Variants in SCAF8 observed in about 807,000 individuals in gnomAD.
The protein encoded by SCAF8 is SR-related CTD associated factor 8, also known as SR-related and CTD-associated factor 8.
A neutral mutation model predicts 140.5 loss-of-function variants in SCAF8; 23 were observed. That is an observed-to-expected ratio of 0.16 (90% CI 0.12 to 0.23). The LOEUF (loss-of-function observed/expected upper bound fraction) is 0.23. Among genes scored for constraint, SCAF8 ranks in the 10% least tolerant of loss-of-function variants. SCAF8 has a pLI of 1.00. For synonymous variants in SCAF8, 575 were observed against 528.9 expected (o/e 1.09, Z -1.20); for missense variants, 1,397 against 1,555.7 (o/e 0.90, Z 1.72).
chr6:154,828,007 A>G lies in SCAF8; in HGVS notation c.2140+767A>G, dbSNP rs564037345. 2.1e-4 allele frequency among the ~76,000 whole-genome samples: 32 copies of G among 152,268 alleles called. No homozygotes were observed. The South Asian group carries it at 4.1e-3, about 20-fold the overall frequency. ...TACGTATATTACAATTAGCCAGCCTATATTGACAAATCATTATCACCCAAA... is the reference window on the plus strand; with the variant it reads ...TACGTATATTACAATTAGCCAGCCTGTATTGACAAATCATTATCACCCAAA... On this transcript the variant is annotated intron_variant, in intron 18 of 19. Coordinates refer to ENST00000367178, the MANE Select transcript of SCAF8 (RefSeq NM_014892.5).
chr6:154,825,654 T>TTAAAA lies in SCAF8; in HGVS notation c.2071+1276_2071+1277insTAAAA, dbSNP rs1778544893. Among the ~76,000 whole-genome samples the TTAAAA allele has an allele frequency of 2.1e-4, 6 of 28,482 alleles. No individual in the cohort carries two copies. The African/African-American group carries it at 2.4e-3, about 12-fold the overall frequency. 18.7% of individuals were successfully genotyped at this position (28,482 alleles called of 152,430 possible). A position where few individuals can be genotyped will look rare whatever the true frequency, so the allele number is the denominator to read the frequency against. On this transcript the variant is annotated intron_variant, in intron 17 of 19. Transcript: ENST00000367178. ...ATGGATGACAGAGTGAGACCTTGTC[T>TTAAAA]CAAAAAAAAAAAAAAAAAAAAAGCT...
At chr6:154,801,299 CAGT>C (rs1777765366) in intron 6 of SCAF8, among the ~76,000 whole-genome samples, 2 of 151,420 alleles carry the variant, frequency 1.3e-5, no homozygotes, top group African/African-American at 4.8e-5. Context: ...TCTTGGTTAT[CAGT>C]AGCTTTGCTG....
chr6:154,786,284 C>T (rs140753055), intron 3 of SCAF8, among the ~76,000 whole-genome samples: 5 of 152,098 alleles, frequency 3.3e-5, no homozygotes, highest in East Asian at 3.9e-4. Flanking sequence ...TGGGTGGGAT[C>T]GCAGAACTGG....
intron 13 of SCAF8, 107 bp from the exon 14 acceptor site, chr6:154,818,372 G>T: frequency 2.1e-6 from 1 of 469,938 alleles, no homozygotes; most frequent in Non-Finnish European, 3.7e-6. Flanking sequence ...TAATCTATCA[G>T]AATTGAAGTA....
intron 1 of SCAF8, among the ~76,000 whole-genome samples, chr6:154,740,625 C>T (rs373717465): frequency 5.1e-5 from 7 of 138,524 alleles, no homozygotes; most frequent in South Asian, 2.3e-4. Context: ...TTTTCTTTTT[C>T]TTTTTTTTTT....
intron 1 of SCAF8, among the ~76,000 whole-genome samples, chr6:154,753,659 A>G (rs1301898387): frequency 6.6e-6 from 1 of 152,186 alleles, no homozygotes; most frequent in Non-Finnish European, 1.5e-5. Flanking sequence ...ATACATGTAT[A>G]CAATGTACAT....
At chr6:154,770,999 C>T (rs772961871) in intron 1 of SCAF8, among the ~76,000 whole-genome samples, 10 of 152,148 alleles carry the variant, frequency 6.6e-5, no homozygotes, top group Non-Finnish European at 1.2e-4. Context: ...CCTGCCTTGG[C>T]CTCCCAAAGT....
At chr6:154,804,126 G>A (rs1777846552) in intron 8 of SCAF8, among the ~76,000 whole-genome samples, 1 of 151,868 alleles carries the variant, frequency 6.6e-6, no homozygotes, top group South Asian at 2.1e-4. Flanking sequence ...CCAAGGTTCT[G>A]TGAGGGTATG....
At position 154,784,576 on chromosome 6, in the gene SCAF8, A is replaced by G. The variant is rs1266119789; in HGVS notation, c.160-3285A>G. Among the ~76,000 whole-genome samples, 3 of 152,314 alleles carry G rather than the reference A, an allele frequency of 2.0e-5. No homozygotes were observed. The East Asian group carries it at 5.8e-4, about 29-fold the overall frequency. ...GGGAAAAAATATTCCACGAAATTCC[A>G]GAAAGCAAAACTTGAATTTCCTATA... On this transcript the variant is annotated intron_variant, in intron 3 of 19. Coordinates refer to ENST00000367178, the MANE Select transcript of SCAF8 (RefSeq NM_014892.5).
At chr6:154,748,829 T>A (rs1778770332) in intron 1 of SCAF8, among the ~76,000 whole-genome samples, 1 of 152,252 alleles carries the variant, frequency 6.6e-6, no homozygotes, top group Admixed American at 6.5e-5. Context: ...TGTGCAAAAT[T>A]TCCTAATCAG....
chr6:154,778,921 T>G lies in SCAF8; in HGVS notation c.159+876T>G, dbSNP rs868540660. Among the ~76,000 whole-genome samples the G allele has an allele frequency of 2.6e-5, 4 of 152,328 alleles. No individual in the cohort carries two copies. In the Middle Eastern group the frequency reaches 0.014, roughly 518 times the overall value. On this transcript the variant is annotated intron_variant, in intron 3 of 19. Transcript: ENST00000367178. ...CTTAAAGTTTAAAAATGTTAGTGATTAGAAAATTTTATTTGGTCTAACGCT... is the reference window on the plus strand; with the variant it reads ...CTTAAAGTTTAAAAATGTTAGTGATGAGAAAATTTTATTTGGTCTAACGCT...
At chr6:154,757,866 C>G (rs906579492) in intron 1 of SCAF8, among the ~76,000 whole-genome samples, 1 of 150,940 alleles carries the variant, frequency 6.6e-6, no homozygotes, top group Admixed American at 6.6e-5. Flanking sequence ...TTTTTTCCCT[C>G]GAGCAGTGGA....
At chr6:154,784,153 A>ATATATATATATT in intron 3 of SCAF8, among the ~76,000 whole-genome samples, 1 of 109,338 alleles carries the variant, frequency 9.1e-6, no homozygotes, top group Non-Finnish European at 1.9e-5. Flanking sequence ...ATATATATAT[A>ATATATATATATT]TATATTTATT....
intron 1 of SCAF8, among the ~76,000 whole-genome samples, chr6:154,749,628 C>T (rs922806907): frequency 5.3e-5 from 8 of 152,082 alleles, no homozygotes; most frequent in African/African-American, 1.7e-4. Flanking sequence ...GCATTGTGTG[C>T]AAAACGTAAA....
intron 12 of SCAF8, among the ~76,000 whole-genome samples, chr6:154,813,995 A>G (rs541068481): frequency 7.0e-4 from 107 of 152,332 alleles, no homozygotes; most frequent in African/African-American, 2.5e-3. Flanking sequence ...ATAAGAGAAT[A>G]TATTTGTTTT....
intron 1 of SCAF8, among the ~76,000 whole-genome samples, chr6:154,742,248 CAT>C (rs1050850615): frequency 3.3e-5 from 5 of 152,104 alleles, no homozygotes; most frequent in Middle Eastern, 3.4e-3. Context: ...GAGCATAAAT[CAT>C]ATATATATAA....
chr6:154,778,915 A>G (rs1023950702), intron 3 of SCAF8, among the ~76,000 whole-genome samples: 15 of 152,138 alleles, frequency 9.9e-5, no homozygotes, highest in Non-Finnish European at 1.5e-4. Flanking sequence ...TAAAAATGTT[A>G]GTGATTAGAA....
In SCAF8 at chr6:154,834,017, T is replaced by C. The variant is rs1369761262; in HGVS notation, c.*622T>C. 3 of 152,162 alleles carry C rather than the reference T, an allele frequency of 2.0e-5. No homozygotes were observed. 9.4% of individuals were successfully genotyped at this position (152,162 alleles called of 1,614,324 possible). A position where few individuals can be genotyped will look rare whatever the true frequency, so the allele number is the denominator to read the frequency against. On this transcript the variant is annotated 3_prime_UTR_variant, in exon 20 of 20. Transcript: ENST00000367178. The stretch of plus-strand genomic sequence containing the variant: ...TATTAAAGTACGTTTCAATGTTGGG[T>C]GAATTTTGTTTTTAGATGCCAATAA...
At chr6:154,735,944 C>T (rs996100887) in intron 1 of SCAF8, among the ~76,000 whole-genome samples, 1 of 151,414 alleles carries the variant, frequency 6.6e-6, no homozygotes, top group African/African-American at 2.4e-5. Context: ...CTCCTCTCAC[C>T]TCAGCCCCCC....
Sources: gnomAD v4.1 joint callset for allele counts (sites outside exome capture counted in the v4.1 genomes callset) on GRCh38, gnomAD v4.1.1 for gene constraint, MANE v1.5 for transcripts, NCBI Gene and HGNC (gene_info 2026-07-23, HGNC 2026-07-21) for gene names.